PPP1R9A: variants seen among roughly 807,000 people sequenced by gnomAD.
PPP1R9A encodes neurabin-1.
In PPP1R9A, 59 loss-of-function variants were observed where a neutral mutation model predicts 141.9. That is an observed-to-expected ratio of 0.42 (90% CI 0.34 to 0.52). PPP1R9A has a LOEUF of 0.52. Ranked by LOEUF, PPP1R9A falls within the 20% of genes least tolerant of loss-of-function variation. The pLI, the probability that PPP1R9A is intolerant of heterozygous loss-of-function variation, is 0.10. For synonymous variants in PPP1R9A, 500 were observed against 569.7 expected, an observed-to-expected ratio of 0.88 and a Z score of 1.74; for missense variants, 1,444 against 1,611.9, an observed-to-expected ratio of 0.90 and a Z score of 1.78.
intron 2 of PPP1R9A, among the ~76,000 whole-genome samples, chr7:95,109,388 A>G (rs138985706): frequency 3.1e-4 from 47 of 152,356 alleles, no homozygotes; most frequent in African/African-American, 1.1e-3. Flanking sequence ...GCTACTAGAA[A>G]CTATTCCTTC....
chr7:95,001,183 A>G (rs1272305608), intron 2 of PPP1R9A, among the ~76,000 whole-genome samples: 1 of 152,152 alleles, frequency 6.6e-6, no homozygotes, highest in Admixed American at 6.6e-5. Flanking sequence ...ATTTGGAGGT[A>G]TACTTGTATT....
At chr7:95,273,711 A>G (rs913197276) in intron 14 of PPP1R9A, among the ~76,000 whole-genome samples, 188 bp from the exon 15 acceptor site, 8 of 151,996 alleles carry the variant, frequency 5.3e-5, no homozygotes, top group Non-Finnish European at 1.2e-4. Flanking sequence ...CCTATAGAGG[A>G]CCTCCCCTGC....
chr7:95,028,272 G>A (rs1481231069), intron 2 of PPP1R9A, among the ~76,000 whole-genome samples: 1 of 152,072 alleles, frequency 6.6e-6, no homozygotes, highest in Non-Finnish European at 1.5e-5. Context: ...ATTTAGTAAT[G>A]CAAAGTTGGA....
intron 2 of PPP1R9A, among the ~76,000 whole-genome samples, chr7:94,929,483 G>A (rs758873837): frequency 5.9e-5 from 9 of 151,972 alleles, no homozygotes; most frequent in Non-Finnish European, 1.3e-4. Flanking sequence ...ACAGAAAAGA[G>A]AAAAAAATGC....
intron 2 of PPP1R9A, among the ~76,000 whole-genome samples, chr7:95,103,362 C>T (rs117947330): frequency 2.7e-4 from 24 of 88,774 alleles, no homozygotes; most frequent in South Asian, 6.3e-4. Context: ...TTTTTCACTT[C>T]TTTTTTTTTT....
At chr7:94,924,397 C>T (rs916433285) in intron 2 of PPP1R9A, among the ~76,000 whole-genome samples, 1 of 152,146 alleles carries the variant, frequency 6.6e-6, no homozygotes, top group Non-Finnish European at 1.5e-5. Context: ...AACTGGAGCT[C>T]CCTCAGGAGA....
intron 2 of PPP1R9A, among the ~76,000 whole-genome samples, chr7:95,048,837 G>A (rs1355878920): frequency 6.6e-6 from 1 of 152,000 alleles, no homozygotes; most frequent in African/African-American, 2.4e-5. Context: ...GAGCCACCAT[G>A]CCCGGCCCTA....
At chr7:95,229,153 G>T (rs1186679924) in intron 8 of PPP1R9A, among the ~76,000 whole-genome samples, 1 of 151,888 alleles carries the variant, frequency 6.6e-6, no homozygotes, top group African/African-American at 2.4e-5. Flanking sequence ...GTAGGAGGGA[G>T]AACTGCTGCA....
chr7:95,256,753 A>C lies in PPP1R9A; in HGVS notation c.2665+4623A>C, dbSNP rs1165158331. ...AAAACTCGAGTCTTCTGATTATTAG[A>C]TGTTATAAGAATTAACAGGGTAGAT... On this transcript the variant is annotated intron_variant, in intron 12 of 19. Transcript: ENST00000433360. Among the ~76,000 whole-genome samples, 3 of 152,262 alleles carry C rather than the reference A, an allele frequency of 2.0e-5. No individual in the cohort carries two copies. The East Asian group carries it at 5.8e-4, about 29-fold the overall frequency.
At chr7:95,133,513 T>TTATATATATA (rs10570222) in intron 4 of PPP1R9A, among the ~76,000 whole-genome samples, 4,872 of 132,292 alleles carry the variant, frequency 0.037, 130 homozygotes, top group Non-Finnish European at 0.049. Flanking sequence ...TGCAGTCGTA[T>TTATATATATA]TATATATATA....
chr7:95,066,536 A>G (rs1190344995), intron 2 of PPP1R9A, among the ~76,000 whole-genome samples: 1 of 152,334 alleles, frequency 6.6e-6, no homozygotes, highest in Non-Finnish European at 1.5e-5. Flanking sequence ...AGAAGATACT[A>G]TATGTAGAAG....
At chr7:95,221,761 C>A (rs1232246626) in intron 7 of PPP1R9A, among the ~76,000 whole-genome samples, 1 of 151,882 alleles carries the variant, frequency 6.6e-6, no homozygotes, top group South Asian at 2.1e-4. Context: ...ATTTTGCATT[C>A]ATTTTGCCTT....
rs1160652672 is a variant in PPP1R9A, at chr7:95,291,429, A to G, written c.*1126A>G. ...AGATTTTGAATGGTTTTTCCGAACC[A>G]TTCCTTTCCATACTTCAAAGATTCT... On this transcript the variant is annotated 3_prime_UTR_variant, in exon 20 of 20. Transcript: ENST00000433360. 1 of 152,224 alleles carries G rather than the reference A, an allele frequency of 6.6e-6. No homozygotes were observed. Among genetic ancestry groups the G allele is most frequent in the Non-Finnish European group, 1.5e-5 (1 of 68,040 alleles). 9.4% of individuals were successfully genotyped at this position (152,224 alleles called of 1,614,324 possible).
In PPP1R9A at chr7:95,240,942, T is replaced by G. The variant is rs965181109; in HGVS notation, c.2113-6531T>G. Among the ~76,000 whole-genome samples, 5 of 17,264 alleles carry G rather than the reference T, an allele frequency of 2.9e-4. No individual in the cohort carries two copies. In the African/African-American group the frequency reaches 3.3e-3, roughly 11 times the overall value. 11.3% of individuals were successfully genotyped at this position (17,264 alleles called of 152,430 possible). A position where few individuals can be genotyped will look rare whatever the true frequency, so the allele number is the denominator to read the frequency against. On this transcript the variant is annotated intron_variant, in intron 8 of 19. Transcript: ENST00000433360. ...CTTATCTTGAAATGAAACAAAAATC[T>G]TTTAGTAGGTTAGTCAGTAATTATT...
chr7:94,999,977 A>AT lies in PPP1R9A; in HGVS notation c.1395+88474dup, dbSNP rs1051506878. ...CCACCACGCCAGGCTAATTTTTTGT[A>AT]TTTTTAGTAGAGATAGGGTTTCACC... On this transcript the variant is annotated intron_variant, in intron 2 of 19. Transcript: ENST00000433360. Among the ~76,000 whole-genome samples, 27 of 151,922 alleles carry AT rather than the reference A, an allele frequency of 1.8e-4. 1 individual carries two copies. Among genetic ancestry groups the AT allele is most frequent in the Admixed American group, 6.6e-4 (10 of 15,256 alleles).
intron 2 of PPP1R9A, among the ~76,000 whole-genome samples, chr7:95,071,516 G>A (rs1289403159): frequency 1.3e-5 from 2 of 151,918 alleles, no homozygotes; most frequent in Non-Finnish European, 2.9e-5. Flanking sequence ...TACTGTGGAT[G>A]CGTGGGAAAA....
At chr7:95,285,502 C>A (rs1805121650) in intron 17 of PPP1R9A, among the ~76,000 whole-genome samples, 2 of 152,190 alleles carry the variant, frequency 1.3e-5, no homozygotes, top group African/African-American at 4.8e-5. Flanking sequence ...ATTTTCATAT[C>A]CACTGAATAT....
intron 2 of PPP1R9A, among the ~76,000 whole-genome samples, chr7:94,999,777 T>TTTTTTTTTTTTA (rs556826158): frequency 7.1e-6 from 1 of 141,304 alleles, no homozygotes; most frequent in African/African-American, 2.7e-5. Context: ...AGATATCTTA[T>TTTTTTTTTTTTA]TTTATTTATT....
At chr7:94,913,598 A>G (rs996507217) in intron 2 of PPP1R9A, among the ~76,000 whole-genome samples, 8 of 152,102 alleles carry the variant, frequency 5.3e-5, no homozygotes, top group African/African-American at 1.9e-4. Flanking sequence ...TGAATAACAC[A>G]ATTACTCTTT....
Sources: gnomAD v4.1 joint callset for allele counts (sites outside exome capture counted in the v4.1 genomes callset) on GRCh38, gnomAD v4.1.1 for gene constraint, MANE v1.5 for transcripts, NCBI Gene and HGNC (gene_info 2026-07-23, HGNC 2026-07-21) for gene names.